PATJ: variants seen among roughly 807,000 people sequenced by gnomAD.
The protein encoded by PATJ is PATJ crumbs cell polarity complex component.
PATJ carries 190 observed loss-of-function variants against 224.9 expected under a neutral mutation model. The ratio of observed to expected loss-of-function variants is 0.84; its 90% CI spans 0.75 to 0.95. The LOEUF (loss-of-function observed/expected upper bound fraction) is 0.95, where lower values mean the gene tolerates loss of function less well. Among genes scored for constraint, PATJ ranks in the 40% least tolerant of loss-of-function variants. The pLI is 0.00. For missense variants in PATJ, 2,121 were observed against 2,270.3 expected (o/e 0.93, Z 1.34); for synonymous variants, 769 against 820.3 (o/e 0.94, Z 1.07).
At chr1:61,802,438 AT>A (rs1180226751) in intron 12 of PATJ, among the ~76,000 whole-genome samples, 2 of 151,658 alleles carry the variant, frequency 1.3e-5, no homozygotes, top group Non-Finnish European at 2.9e-5. Flanking sequence ...TATATTAATT[AT>A]TTTATTTTAT....
intron 29 of PATJ, among the ~76,000 whole-genome samples, chr1:62,029,389 C>T (rs1034713278): frequency 2.0e-5 from 3 of 152,044 alleles, no homozygotes; most frequent in African/African-American, 7.2e-5. Flanking sequence ...AGTATGTTCT[C>T]CTCATGACCA....
At chr1:61,763,976 C>CT (rs535782726) in intron 3 of PATJ, among the ~76,000 whole-genome samples, 5 of 149,856 alleles carry the variant, frequency 3.3e-5, no homozygotes, top group Admixed American at 6.7e-5. Flanking sequence ...CTTATGAAGT[C>CT]TTTTTTTGTG....
At chr1:62,021,562 CGTT>C (rs146022194) in intron 29 of PATJ, among the ~76,000 whole-genome samples, 4,066 of 152,150 alleles carry the variant, frequency 0.027, 173 homozygotes, top group African/African-American at 0.094. Flanking sequence ...ATAGTAAGTT[CGTT>C]GTTGTTGTTA....
At position 61,861,663 on chromosome 1, in the gene PATJ, C is replaced by G; in HGVS notation, c.2435C>G (p.Pro812Arg). The change falls in exon 19 of 44, where the codon CCC becomes CGC. Residue 812 changes from proline to arginine, a missense_variant. Physicochemically the swap from Pro to Arg is moderately radical, Grantham distance 103 (BLOSUM62 -2). Coordinates refer to ENST00000642238, the MANE Select transcript of PATJ (RefSeq NM_001350145.3). ...DINSSLILEA[P>R]KGFRDEPYFK... ...AATTCATCTTTAATACTCGAAGCAC[C>G]CAAGGTATTTAATAAATTTATTTCC... is the stretch of plus-strand genomic sequence containing the variant. The G allele has an allele frequency of 7.7e-7, 1 of 1,306,196 alleles. No individual in the cohort carries two copies. The highest frequency in any genetic ancestry group is 1.0e-6 in the Non-Finnish European group (1 of 963,052). The allele number at this position is 1,306,196 out of a possible 1,614,324, so 80.9% of individuals were successfully genotyped here. A position where few individuals can be genotyped will look rare whatever the true frequency, so the allele number is the denominator to read the frequency against.
intron 11 of PATJ, among the ~76,000 whole-genome samples, chr1:61,799,188 A>G (rs967814567): frequency 2.0e-5 from 3 of 152,026 alleles, no homozygotes; most frequent in Non-Finnish European, 4.4e-5. Flanking sequence ...TTTTTTAATG[A>G]TTTATTGATT....
intron 28 of PATJ, among the ~76,000 whole-genome samples, chr1:62,003,962 C>A (rs1451656493): frequency 2.0e-5 from 3 of 152,174 alleles, no homozygotes; most frequent in Non-Finnish European, 4.4e-5. Flanking sequence ...CCTTGAGTTT[C>A]ACACCTGCGT....
intron 31 of PATJ, among the ~76,000 whole-genome samples, chr1:62,067,638 G>A (rs1656712457): frequency 6.6e-6 from 1 of 152,184 alleles, no homozygotes; most frequent in African/African-American, 2.4e-5. Flanking sequence ...AGTCAACTAT[G>A]TCACATTTCT....
chr1:61,842,767 A>AAAAAAAAGGAAAAGC (rs1314599620), intron 17 of PATJ, among the ~76,000 whole-genome samples: 1 of 1,642 alleles, frequency 6.1e-4, no homozygotes, highest in Non-Finnish European at 3.2e-3. Context: ...AGCTATTAAA[A>AAAAAAAAGGAAAAGC]AAAAAAAGGA....
chr1:62,012,696 A>G (rs937914515), intron 28 of PATJ, among the ~76,000 whole-genome samples: 1 of 146,896 alleles, frequency 6.8e-6, no homozygotes, highest in African/African-American at 2.4e-5. Flanking sequence ...AAGCTGTATA[A>G]CTTTTATTTA....
At chr1:62,126,154 A>G (rs1665701621) in intron 39 of PATJ, among the ~76,000 whole-genome samples, 1 of 152,132 alleles carries the variant, frequency 6.6e-6, no homozygotes, top group African/African-American at 2.4e-5. Context: ...AGAATTGAGG[A>G]TTCGTTTTCT....
intron 27 of PATJ, among the ~76,000 whole-genome samples, chr1:61,972,620 C>G (rs944335258): frequency 3.9e-5 from 6 of 151,980 alleles, no homozygotes; most frequent in Non-Finnish European, 8.8e-5. Context: ...CTTTAAGACA[C>G]TCTCTATAAG....
At chr1:61,973,892 T>G (rs539005941) in intron 27 of PATJ, among the ~76,000 whole-genome samples, 1 of 152,158 alleles carries the variant, frequency 6.6e-6, no homozygotes, top group East Asian at 1.9e-4. Context: ...TTTATGAATC[T>G]CATATTCAGG....
intron 30 of PATJ, among the ~76,000 whole-genome samples, chr1:62,045,116 G>A (rs1362007745): frequency 6.6e-6 from 1 of 152,106 alleles, no homozygotes; most frequent in Non-Finnish European, 1.5e-5. Flanking sequence ...AGCTACTCGG[G>A]AGGCTGAGGC....
chr1:61,953,677 G>A (rs1680038474), intron 27 of PATJ, among the ~76,000 whole-genome samples: 1 of 152,146 alleles, frequency 6.6e-6, no homozygotes, highest in Non-Finnish European at 1.5e-5. Context: ...TATTGACAAG[G>A]CAACTTATAG....
intron 26 of PATJ, among the ~76,000 whole-genome samples, chr1:61,923,135 G>A (rs1457364137): frequency 6.6e-6 from 1 of 152,204 alleles, no homozygotes; most frequent in African/African-American, 2.4e-5. Context: ...TGAGTTATTT[G>A]TCACAAAGAA....
chr1:61,968,094 A>T (rs1682421564), intron 27 of PATJ, among the ~76,000 whole-genome samples: 1 of 152,210 alleles, frequency 6.6e-6, no homozygotes, highest in Admixed American at 6.5e-5. Context: ...CACCGGAGAG[A>T]AAACAAGTAT....
intron 18 of PATJ, among the ~76,000 whole-genome samples, chr1:61,861,284 C>CTTTCTTTTTTTTT (rs757271556): frequency 2.0e-5 from 1 of 48,872 alleles, no homozygotes; most frequent in African/African-American, 6.1e-5. Context: ...TTCTTTCTTT[C>CTTTCTTTTTTTTT]TTTTTTTTTT....
chr1:61,766,526 T>C, intron 4 of PATJ, 53 bp downstream of exon 4: 1 of 1,305,092 alleles, frequency 7.7e-7, no homozygotes, highest in South Asian at 1.4e-5. Flanking sequence ...CCTGTTTTAG[T>C]TTTACAAAGG....
intron 39 of PATJ, among the ~76,000 whole-genome samples, chr1:62,126,212 C>A (rs897925797): frequency 6.6e-6 from 1 of 152,154 alleles, no homozygotes; most frequent in Non-Finnish European, 1.5e-5. Context: ...TTTCTTGATT[C>A]TTCTGCCCAG....
Sources: allele counts gnomAD v4.1 joint callset (sites outside exome capture counted in the v4.1 genomes callset), GRCh38; gene constraint gnomAD v4.1.1; transcripts MANE v1.5; gene names NCBI Gene and HGNC (gene_info 2026-07-23, HGNC 2026-07-21).